Variants in STON2 observed in about 807,000 individuals in gnomAD.
The protein encoded by STON2 is stonin-2.
Under a neutral mutation model 65.7 loss-of-function variants are expected in STON2, and 29 were observed. The ratio of observed to expected loss-of-function variants is 0.44; its 90% CI spans 0.33 to 0.60. STON2 has a LOEUF of 0.60. STON2 is among the 20% of genes least tolerant of loss of function. STON2 has a pLI of 0.03. For synonymous variants in STON2, 404 were observed against 414.2 expected (o/e 0.98, Z 0.30); for missense variants, 1,054 against 1,118.1 (o/e 0.94, Z 0.82).
At chr14:81,425,307 T>C (rs997248628) in intron 2 of STON2, among the ~76,000 whole-genome samples, 3 of 152,206 alleles carry the variant, frequency 2.0e-5, no homozygotes, top group Non-Finnish European at 2.9e-5. Flanking sequence ...TGGTGGCTCA[T>C]GCCTGGAATC....
intron 5 of STON2, among the ~76,000 whole-genome samples, chr14:81,312,470 A>G (rs1228148536): frequency 1.3e-5 from 2 of 152,222 alleles, no homozygotes; most frequent in Admixed American, 6.5e-5. Flanking sequence ...ACTGAAACTT[A>G]ATTTACATAG....
intron 4 of STON2, among the ~76,000 whole-genome samples, chr14:81,351,176 T>C (rs1898008133): frequency 7.1e-6 from 1 of 140,822 alleles, no homozygotes; most frequent in Admixed American, 7.3e-5. Context: ...AGGTAAGCTC[T>C]TCTTTTTTTT....
intron 5 of STON2, among the ~76,000 whole-genome samples, chr14:81,288,006 C>T (rs753726590): frequency 3.3e-5 from 5 of 152,090 alleles, no homozygotes; most frequent in Non-Finnish European, 5.9e-5. Context: ...GGTCTCACGC[C>T]GAGGGCAGGG....
chr14:81,299,430 T>C lies in STON2; in HGVS notation c.743-20691A>G, dbSNP rs1217183716. Among the ~76,000 whole-genome samples, 8 of 152,314 alleles carry C rather than the reference T, an allele frequency of 5.3e-5. No homozygotes were observed. In the East Asian group the frequency reaches 1.2e-3, roughly 22 times the overall value. On this transcript the variant is annotated intron_variant, in intron 5 of 7. Coordinates refer to ENST00000614646, the MANE Select transcript of STON2 (RefSeq NM_001394390.1). ...CATCACAATGGTGAAATATTGAAAG[T>C]GTTCCTCCCAGTCTCACCTATTCAG...
Position 81,266,558 on chromosome 14 carries a change from A to C in STON2, c.*1856T>G. Reference sequence around the variant, plus strand: ...ACCCTGGTCACCTCCCTATGGACACAATCAACTTATTAATGTCTCTCTTAA... The same window carrying C: ...ACCCTGGTCACCTCCCTATGGACACCATCAACTTATTAATGTCTCTCTTAA... On this transcript the variant is annotated 3_prime_UTR_variant, in exon 8 of 8. Transcript: ENST00000614646. The C allele has an allele frequency of 1.7e-6, 1 of 602,282 alleles. No homozygotes were observed. Among genetic ancestry groups the C allele is most frequent in the Non-Finnish European group, 2.1e-6 (1 of 480,178 alleles). The allele number at this position is 602,282 out of a possible 1,614,324, so 37.3% of individuals were successfully genotyped here.
chr14:81,331,302 A>G (rs1897205151), intron 4 of STON2, among the ~76,000 whole-genome samples: 1 of 152,260 alleles, frequency 6.6e-6, no homozygotes, highest in African/African-American at 2.4e-5. Flanking sequence ...AAATGTGGAT[A>G]GGAGAATTAT....
chr14:81,383,146 A>G (rs1899615301), intron 3 of STON2, among the ~76,000 whole-genome samples: 2 of 152,202 alleles, frequency 1.3e-5, no homozygotes, highest in South Asian at 2.1e-4. Flanking sequence ...GGAAAGATCA[A>G]TATCTGCTTC....
chr14:81,268,754 CAA>C (rs2140094985), intron 7 of STON2: 1 of 542,808 alleles, frequency 1.8e-6, no homozygotes, highest in Non-Finnish European at 2.4e-6. Context: ...TACATTTGGT[CAA>C]AGATCACCCC....
At chr14:81,390,149 G>A (rs370850686) in intron 3 of STON2, among the ~76,000 whole-genome samples, 11 of 151,644 alleles carry the variant, frequency 7.3e-5, no homozygotes, top group South Asian at 6.2e-4. Flanking sequence ...AGCTGAGATT[G>A]CGCCACTGGA....
intron 2 of STON2, among the ~76,000 whole-genome samples, chr14:81,409,169 C>T (rs1187738785): frequency 6.6e-6 from 1 of 152,008 alleles, no homozygotes; most frequent in African/African-American, 2.4e-5. Flanking sequence ...ATTTGGAAGG[C>T]CGAGGAGGGA....
In STON2 at chr14:81,267,669, T is replaced by C. The variant is rs1408464162; in HGVS notation, c.*745A>G. The C allele has an allele frequency of 2.0e-6, 2 of 985,246 alleles. No individual in the cohort carries two copies. Among genetic ancestry groups the C allele is most frequent in the Non-Finnish European group, 2.4e-6 (2 of 829,898 alleles). The allele number at this position is 985,246 out of a possible 1,614,324, so 61.0% of individuals were successfully genotyped here. A position where few individuals can be genotyped will look rare whatever the true frequency, so the allele number is the denominator to read the frequency against. On this transcript the variant is annotated 3_prime_UTR_variant, in exon 8 of 8. Coordinates refer to ENST00000614646, the MANE Select transcript of STON2 (RefSeq NM_001394390.1). ...TTCTCCAAAATGAAGAAAACTAAGATTAATTTTGCCTTCCCCTCAACACCC... is the reference window on the plus strand; with the variant it reads ...TTCTCCAAAATGAAGAAAACTAAGACTAATTTTGCCTTCCCCTCAACACCC...
Position 81,398,315 on chromosome 14 carries a change from G to A in STON2, c.68C>T (p.Pro23Leu), listed in dbSNP as rs150674891. 1 of 1,613,610 alleles carries A rather than the reference G, an allele frequency of 6.2e-7. No homozygotes were observed. Among genetic ancestry groups the A allele is most frequent in the Non-Finnish European group, 8.5e-7 (1 of 1,179,734 alleles). ...CTTACCCTGCGAGTGGGCAGGAAAG[G>A]GTGGCTCTTCATTGAAGGAGACCCA... ...SEWVSFNEEPPFPAHSQGGTE... is the reference protein window; with the variant it reads ...SEWVSFNEEPLFPAHSQGGTE... Residue 23 changes from proline (P) to leucine (L), a missense_variant, in exon 2 of 8, where the codon CCC (proline) becomes CTC (leucine). Physicochemically the swap from Pro to Leu is moderately conservative, Grantham distance 98. Coordinates refer to ENST00000614646, the MANE Select transcript of STON2 (RefSeq NM_001394390.1).
intron 4 of STON2, among the ~76,000 whole-genome samples, chr14:81,363,790 T>C (rs965752182): frequency 4.6e-5 from 7 of 152,186 alleles, no homozygotes; most frequent in East Asian, 1.9e-4. Flanking sequence ...AAAAATATCA[T>C]AAAATAGAGA....
At chr14:81,349,989 C>T (rs1231545004) in intron 4 of STON2, among the ~76,000 whole-genome samples, 2 of 151,896 alleles carry the variant, frequency 1.3e-5, no homozygotes, top group Non-Finnish European at 2.9e-5. Flanking sequence ...GAAAGACAAA[C>T]GGGCAAGTTC....
chr14:81,297,993 C>T (rs772143972), intron 5 of STON2, among the ~76,000 whole-genome samples: 3 of 152,136 alleles, frequency 2.0e-5, no homozygotes, highest in Non-Finnish European at 2.9e-5. Context: ...GCCAAGATGG[C>T]GCCATTGCAC....
At chr14:81,334,731 G>A (rs1897312803) in intron 4 of STON2, among the ~76,000 whole-genome samples, 1 of 152,198 alleles carries the variant, frequency 6.6e-6, no homozygotes, top group Admixed American at 6.5e-5. Context: ...TAGGGCAGAA[G>A]GGTGACTGGG....
chr14:81,431,169 T>A (rs1399027118), intron 1 of STON2, among the ~76,000 whole-genome samples: 1 of 152,268 alleles, frequency 6.6e-6, no homozygotes, highest in Admixed American at 6.5e-5. Flanking sequence ...AGCTTTCTCA[T>A]CCACCTCTGG....
rs550737187 is a variant in STON2 at position 81,350,827 on chromosome 14, GCT to G, written c.571+20159_571+20160del. Among the ~76,000 whole-genome samples the G allele has an allele frequency of 3.3e-3, 506 of 152,246 alleles. 2 individuals carry two copies. The highest frequency in any genetic ancestry group is 5.9e-3 in the Non-Finnish European group (402 of 68,004). On this transcript the variant is annotated intron_variant, in intron 4 of 7. Coordinates refer to ENST00000614646, the MANE Select transcript of STON2 (RefSeq NM_001394390.1). ...GGGGTACTCTGTACCAGCCACCATGGCTTGAGCACTTGATGTCCACTGATACT... is the reference window on the plus strand; with the variant it reads ...GGGGTACTCTGTACCAGCCACCATGGTGAGCACTTGATGTCCACTGATACT...
chr14:81,352,050 T>C (rs977160251), intron 4 of STON2, among the ~76,000 whole-genome samples: 2 of 152,172 alleles, frequency 1.3e-5, no homozygotes, highest in East Asian at 3.8e-4. Flanking sequence ...AAAATACTTA[T>C]CTAATATTAA....
Sources: allele counts gnomAD v4.1 joint callset (sites outside exome capture counted in the v4.1 genomes callset), GRCh38; gene constraint gnomAD v4.1.1; transcripts MANE v1.5; gene names NCBI Gene and HGNC (gene_info 2026-07-23, HGNC 2026-07-21).